The following MGAT4C variants were observed in gnomAD, a reference collection of about 807,000 sequenced individuals.
MGAT4C encodes the protein alpha-1,3-mannosyl-glycoprotein 4-beta-N-acetylglucosaminyltransferase C.
A neutral mutation model predicts 40.1 loss-of-function variants in MGAT4C; 19 were observed. The ratio of observed to expected loss-of-function variants is 0.47; its 90% CI spans 0.33 to 0.70. The LOEUF (loss-of-function observed/expected upper bound fraction) is 0.70. Among genes scored for constraint, MGAT4C ranks in the 30% least tolerant of loss-of-function variants. MGAT4C has a pLI of 0.02. For missense variants in MGAT4C, 491 were observed against 563.2 expected, an observed-to-expected ratio of 0.87 and a Z score of 1.30; for synonymous variants, 181 against 187.1, an observed-to-expected ratio of 0.97 and a Z score of 0.27.
At chr12:86,321,677 C>A (rs1037987665) in intron 4 of MGAT4C, among the ~76,000 whole-genome samples, 8 of 151,990 alleles carry the variant, frequency 5.3e-5, no homozygotes, top group Non-Finnish European at 8.8e-5. Flanking sequence ...TGTGAGATAC[C>A]ATCTCACACC....
intron 3 of MGAT4C, among the ~76,000 whole-genome samples, chr12:86,338,836 G>A (rs980581085): frequency 7.9e-5 from 12 of 151,632 alleles, no homozygotes; most frequent in Non-Finnish European, 1.5e-4. Context: ...GCACACACCT[G>A]TAGTCCCAGC....
intron 2 of MGAT4C, among the ~76,000 whole-genome samples, chr12:86,501,574 T>G (rs1958343086): frequency 6.9e-6 from 1 of 144,022 alleles, no homozygotes; most frequent in South Asian, 2.4e-4. Context: ...ATATCCCACT[T>G]ATAAGTGAGA....
At chr12:86,237,872 T>G (rs935204749) in intron 1 of MGAT4C, among the ~76,000 whole-genome samples, 3 of 151,900 alleles carry the variant, frequency 2.0e-5, no homozygotes, top group Non-Finnish European at 4.4e-5. Flanking sequence ...ATAACTAAAG[T>G]CTACCCAAAT....
At chr12:86,447,770 G>A (rs1957364329) in intron 2 of MGAT4C, among the ~76,000 whole-genome samples, 1 of 152,076 alleles carries the variant, frequency 6.6e-6, no homozygotes, top group Non-Finnish European at 1.5e-5. Flanking sequence ...TATTGAGGTA[G>A]GTAGAATGAA....
intron 2 of MGAT4C, among the ~76,000 whole-genome samples, chr12:86,042,754 G>C (rs994061792): frequency 6.6e-6 from 1 of 151,362 alleles, no homozygotes; most frequent in Non-Finnish European, 1.5e-5. Context: ...TGTAGTCCCA[G>C]CTACTCGGGA....
intron 4 of MGAT4C, among the ~76,000 whole-genome samples, chr12:86,325,503 C>T (rs1356187595): frequency 6.6e-6 from 1 of 152,168 alleles, no homozygotes; most frequent in Non-Finnish European, 1.5e-5. Context: ...CTACTTTGTT[C>T]TGTGCATGAG....
chr12:86,019,240 T>C (rs1889403099), intron 2 of MGAT4C, among the ~76,000 whole-genome samples: 1 of 152,128 alleles, frequency 6.6e-6, no homozygotes, highest in African/African-American at 2.4e-5. Context: ...ATATACTTTG[T>C]TAAATCCTCC....
chr12:86,263,788 A>G (rs1191166239), intron 4 of MGAT4C, among the ~76,000 whole-genome samples: 2 of 152,130 alleles, frequency 1.3e-5, no homozygotes, highest in African/African-American at 4.8e-5. Flanking sequence ...TTACATTCCC[A>G]CCAACAGTAT....
chr12:86,033,038 T>G (rs1162466205), intron 2 of MGAT4C, among the ~76,000 whole-genome samples: 1 of 149,722 alleles, frequency 6.7e-6, no homozygotes, highest in Non-Finnish European at 1.5e-5. Context: ...TCTCCATAGC[T>G]TGTTTTTGTA....
At chr12:86,633,114 C>T (rs1025008415) in intron 2 of MGAT4C, among the ~76,000 whole-genome samples, 2 of 118,554 alleles carry the variant, frequency 1.7e-5, no homozygotes, top group African/African-American at 4.7e-5. Flanking sequence ...CTGCCACATA[C>T]GACCATAATT....
Position 86,038,251 on chromosome 12 carries a change from G to A in MGAT4C, c.-7+11423C>T, listed in dbSNP as rs927428497. On this transcript the variant is annotated intron_variant, in intron 2 of 4. Transcript: ENST00000611864. Reference sequence around the variant, plus strand: ...TTCTTCTAGTTTAAGCTAGAAGCAAGGAGCCAGCAAGTCTAGACTCATTCC... The same window carrying A: ...TTCTTCTAGTTTAAGCTAGAAGCAAAGAGCCAGCAAGTCTAGACTCATTCC... Among the ~76,000 whole-genome samples, 8 of 149,812 alleles carry A rather than the reference G, an allele frequency of 5.3e-5. 1 individual carries two copies. In the South Asian group the frequency reaches 1.1e-3, roughly 20 times the overall value.
intron 1 of MGAT4C, among the ~76,000 whole-genome samples, chr12:86,181,383 G>A (rs940885199): frequency 2.6e-5 from 4 of 152,282 alleles, no homozygotes; most frequent in Admixed American, 2.6e-4. Context: ...AAAATCTGAA[G>A]TAGACATAGA....
rs550452191 is a variant in MGAT4C, at chr12:86,321,858, G to A, written c.-57+12207C>T. 1.3e-4 allele frequency among the ~76,000 whole-genome samples: 20 copies of A among 152,066 alleles called. 1 individual carries two copies. In the South Asian group the frequency reaches 3.9e-3, roughly 30 times the overall value. On this transcript the variant is annotated intron_variant, in intron 4 of 7. Transcript: ENST00000548651. ...GAACTAGAAATACCATTTGACCCAG[G>A]CATCCCATTACTGGGTATATACCCA...
At chr12:86,203,734 G>T (rs1354911389) in intron 1 of MGAT4C, among the ~76,000 whole-genome samples, 1 of 151,828 alleles carries the variant, frequency 6.6e-6, no homozygotes, top group East Asian at 1.9e-4. Context: ...GAGGCGGGCG[G>T]ATCACCTGAG....
chr12:86,453,329 G>A (rs988469069), intron 2 of MGAT4C, among the ~76,000 whole-genome samples: 5 of 152,088 alleles, frequency 3.3e-5, no homozygotes, highest in African/African-American at 9.7e-5. Context: ...ACCAAGAAGA[G>A]AGTTACAGTT....
chr12:86,492,592 A>C (rs1172503187), intron 2 of MGAT4C, among the ~76,000 whole-genome samples: 1 of 152,204 alleles, frequency 6.6e-6, no homozygotes, highest in African/African-American at 2.4e-5. Flanking sequence ...CTGGCTAGCC[A>C]TATGTAGAAA....
At chr12:85,989,630 G>GT (rs1374706709) in intron 2 of MGAT4C, 78 bp from the exon 3 acceptor site, 2 of 1,310,006 alleles carry the variant, frequency 1.5e-6, no homozygotes, top group Non-Finnish European at 2.1e-6. Flanking sequence ...TAAAAGTCAG[G>GT]TCCTTGTAAA....
intron 2 of MGAT4C, among the ~76,000 whole-genome samples, chr12:86,624,603 C>G (rs895302879): frequency 1.3e-5 from 2 of 152,090 alleles, no homozygotes; most frequent in African/African-American, 4.8e-5. Context: ...CACAATCAAA[C>G]AGCAGCAGCA....
chr12:86,746,038 T>C (rs1336796840), intron 1 of MGAT4C, among the ~76,000 whole-genome samples: 5 of 151,630 alleles, frequency 3.3e-5, no homozygotes, highest in Admixed American at 1.3e-4. Context: ...GAACATTTCA[T>C]CCCCTCTCAT....
Sources: allele counts gnomAD v4.1 joint callset (sites outside exome capture counted in the v4.1 genomes callset), GRCh38; gene constraint gnomAD v4.1.1; transcripts MANE v1.5; gene names NCBI Gene and HGNC (gene_info 2026-07-23, HGNC 2026-07-21).